ANKH: variants seen among roughly 807,000 people sequenced by gnomAD.
ANKH encodes the protein ANKH inorganic pyrophosphate transport regulator.
In ANKH, 15 loss-of-function variants were observed where a neutral mutation model predicts 49.0. That is an observed-to-expected ratio of 0.31 (90% CI 0.20 to 0.47). ANKH has a LOEUF of 0.47. Ranked by LOEUF, ANKH falls within the 20% of genes least tolerant of loss-of-function variation. ANKH has a pLI of 1.00. For missense variants in ANKH, 429 were observed against 652.0 expected, an observed-to-expected ratio of 0.66 and a Z score of 3.72; for synonymous variants, 273 against 260.0, an observed-to-expected ratio of 1.05 and a Z score of -0.48.
Position 14,713,486 on chromosome 5 carries a change from T to G in ANKH, c.1265+58A>C. On this transcript the variant is annotated intron_variant, in intron 10 of 11. Coordinates refer to ENST00000284268, the MANE Select transcript of ANKH (RefSeq NM_054027.6). This position sits in a 1 kb window ranked among gnomAD's most constrained non-coding sequence, Gnocchi z 4.4. ...CCTGAAAATGTAGCTGTTAAACCTC[T>G]GGACACAGTATTGAAGTGGCAGAAG... 6.2e-7 allele frequency: 1 copy of G among 1,608,104 alleles called. No homozygotes were observed. Among genetic ancestry groups the G allele is most frequent in the South Asian group, 1.1e-5 (1 of 90,314 alleles).
intron 1 of ANKH, among the ~76,000 whole-genome samples, chr5:14,817,645 T>C (rs530839346): frequency 6.6e-6 from 1 of 152,262 alleles, no homozygotes; most frequent in East Asian, 1.9e-4. Flanking sequence ...GGTTCACAAG[T>C]GTGAAGAAGT....
chr5:14,729,897 T>C (rs898080143), intron 8 of ANKH, among the ~76,000 whole-genome samples: 1 of 152,190 alleles, frequency 6.6e-6, no homozygotes, highest in Non-Finnish European at 1.5e-5. Flanking sequence ...TTTCTTTCCC[T>C]CCTGAGTTGC....
chr5:14,802,319 A>G (rs1413494003), intron 1 of ANKH, among the ~76,000 whole-genome samples: 1 of 151,028 alleles, frequency 6.6e-6, no homozygotes, highest in Non-Finnish European at 1.5e-5. Context: ...CTCCATTTTC[A>G]ATCAATCACC....
Position 14,713,456 on chromosome 5 carries a change from T to C in ANKH, c.1265+88A>G. 1 of 1,552,372 alleles carries C rather than the reference T, an allele frequency of 6.4e-7. No homozygotes were observed. Among genetic ancestry groups the C allele is most frequent in the South Asian group, 1.2e-5 (1 of 86,382 alleles). The stretch of plus-strand genomic sequence containing the variant: ...TTCCGATTCTAGACGTGCCTGGGGA[T>C]TTCCCCTGAAAATGTAGCTGTTAAA... On this transcript the variant is annotated intron_variant, in intron 10 of 11. Transcript: ENST00000284268. This position sits in a 1 kb window ranked among gnomAD's most constrained non-coding sequence, Gnocchi z 4.4.
chr5:14,846,636 C>G (rs538447299), intron 1 of ANKH, among the ~76,000 whole-genome samples: 1 of 152,234 alleles, frequency 6.6e-6, no homozygotes, highest in African/African-American at 2.4e-5. Context: ...TTACATCACC[C>G]AACAAAATTA....
At chr5:14,721,964 G>A (rs905774297) in intron 8 of ANKH, among the ~76,000 whole-genome samples, 13 of 146,562 alleles carry the variant, frequency 8.9e-5, no homozygotes, top group African/African-American at 2.9e-4. Context: ...AGTGGGTATG[G>A]TATGTATTAA....
intron 1 of ANKH, among the ~76,000 whole-genome samples, chr5:14,862,627 C>G (rs891349217): frequency 6.6e-6 from 1 of 152,202 alleles, no homozygotes; most frequent in Non-Finnish European, 1.5e-5. Flanking sequence ...CTTGCTGTTT[C>G]ATGTCCACAG....
chr5:14,864,138 C>A (rs959363071), intron 1 of ANKH, among the ~76,000 whole-genome samples: 3 of 152,136 alleles, frequency 2.0e-5, no homozygotes, highest in Non-Finnish European at 4.4e-5. Context: ...GCTTTAGCCC[C>A]GGAATTTGAG....
rs1234079927 is a variant in ANKH, at chr5:14,871,361, G to A, written c.87C>T (p.Phe29=). 4.3e-6 allele frequency: 7 copies of A among 1,612,762 alleles called. 1 individual carries two copies. The South Asian group carries it at 5.5e-5, about 13-fold the overall frequency. ...PLGITNIAID[F]GEQALNRGIA... is the part of the protein sequence containing the mutation. The stretch of plus-strand genomic sequence containing the variant: ...CGGGGCCGGGGCTTACCTGCTCCCC[G>A]AAGTCGATGGCTATGTTGGTGATGC... Residue 29 remains phenylalanine (F), a synonymous_variant, in exon 1 of 12, where the codon TTC becomes TTT. Coordinates refer to ENST00000284268, the MANE Select transcript of ANKH (RefSeq NM_054027.6).
chr5:14,715,281 G>A (rs761371628), intron 9 of ANKH, among the ~76,000 whole-genome samples: 3 of 152,174 alleles, frequency 2.0e-5, no homozygotes, highest in Non-Finnish European at 2.9e-5. Context: ...ACAGGCATGC[G>A]CCACCACGCC....
chr5:14,769,311 G>C (rs778104844), intron 1 of ANKH, 120 bp from the exon 2 acceptor site: 2 of 817,292 alleles, frequency 2.4e-6, no homozygotes, highest in Admixed American at 2.0e-5. Flanking sequence ...TAGCTTATAG[G>C]GTGCATCTCA....
At chr5:14,721,733 A>T (rs187014535) in intron 8 of ANKH, among the ~76,000 whole-genome samples, 1 of 152,102 alleles carries the variant, frequency 6.6e-6, no homozygotes, top group Non-Finnish European at 1.5e-5. Flanking sequence ...GATCGAGACC[A>T]TCCTGGCTAA....
chr5:14,769,658 T>A (rs575614248), intron 1 of ANKH, among the ~76,000 whole-genome samples: 1 of 152,184 alleles, frequency 6.6e-6, no homozygotes, highest in East Asian at 1.9e-4. Context: ...TGTGTGCACA[T>A]GTAATCTTAA....
chr5:14,717,351 A>G (rs1232248575), intron 8 of ANKH, among the ~76,000 whole-genome samples: 2 of 152,242 alleles, frequency 1.3e-5, no homozygotes, highest in African/African-American at 4.8e-5. Context: ...AAGTCTAGTT[A>G]AGAGAATAAA....
At chr5:14,729,658 A>C (rs993531773) in intron 8 of ANKH, among the ~76,000 whole-genome samples, 1 of 151,948 alleles carries the variant, frequency 6.6e-6, no homozygotes, top group Non-Finnish European at 1.5e-5. Flanking sequence ...TTCCACTGGG[A>C]TGAGGGGCAC....
At chr5:14,771,921 G>GAAAAAAAAAAAAAAAAAAAAAAA (rs869185652) in intron 1 of ANKH, among the ~76,000 whole-genome samples, 20 of 53,340 alleles carry the variant, frequency 3.7e-4, no homozygotes, top group Non-Finnish European at 5.7e-4. Context: ...CTCAAAAAAA[G>GAAAAAAAAAAAAAAAAAAAAAAA]AAAAAAAAAA....
chr5:14,815,428 C>T (rs1424738038), intron 1 of ANKH, among the ~76,000 whole-genome samples: 3 of 152,202 alleles, frequency 2.0e-5, no homozygotes, highest in Non-Finnish European at 4.4e-5. Context: ...CTGCCACTGC[C>T]TTGAAATTGT....
chr5:14,756,576 A>C lies in ANKH; in HGVS notation c.433-632T>G, dbSNP rs572892187. Among the ~76,000 whole-genome samples, 6 of 152,348 alleles carry C rather than the reference A, an allele frequency of 3.9e-5. No homozygotes were observed. The South Asian group carries it at 6.2e-4, about 16-fold the overall frequency. On this transcript the variant is annotated intron_variant, in intron 3 of 11. Transcript: ENST00000284268. ...TCAAGGTTGATTTGGACTGACACAG[A>C]AATGACACTTCATCTGAGCTACGCA...
chr5:14,734,414 C>A (rs1222612277), intron 8 of ANKH, among the ~76,000 whole-genome samples: 2 of 152,238 alleles, frequency 1.3e-5, no homozygotes, highest in Non-Finnish European at 2.9e-5. Context: ...ATTGCTCCAT[C>A]TGTAAGGGCG....
Sources: gnomAD v4.1 joint callset for allele counts (sites outside exome capture counted in the v4.1 genomes callset) on GRCh38, gnomAD v4.1.1 for gene constraint, Gnocchi (gnomAD v3.1) non-coding constraint, MANE v1.5 for transcripts, NCBI Gene and HGNC (gene_info 2026-07-23, HGNC 2026-07-21) for gene names.